ULK1: variants seen among roughly 807,000 people sequenced by gnomAD.
ULK1 encodes the protein serine/threonine-protein kinase ULK1.
ULK1 carries 48 observed loss-of-function variants against 117.5 expected under a neutral mutation model. That is an observed-to-expected ratio of 0.41 (90% CI 0.32 to 0.52). The LOEUF is 0.52. Ranked by LOEUF, ULK1 falls within the 20% of genes least tolerant of loss-of-function variation. ULK1 has a pLI of 0.29. For missense variants in ULK1, 1,387 were observed against 1,473.4 expected (o/e 0.94, Z 0.96); for synonymous variants, 790 against 637.8 (o/e 1.24, Z -3.60).
chr12:131,895,761 C>T, intron 2 of ULK1, 22 bp from the exon 3 acceptor site: 1 of 1,614,036 alleles, frequency 6.2e-7, no homozygotes, highest in Non-Finnish European at 8.5e-7. Flanking sequence ...ACACTGATAA[C>T]AAACTTGGGT....
intron 4 of ULK1, 109 bp from the exon 5 acceptor site, chr12:131,907,386 T>G: frequency 7.0e-7 from 1 of 1,420,588 alleles, no homozygotes. Flanking sequence ...GGCAGGTGCC[T>G]GCGGGCTCAG....
chr12:131,916,289 C>A, intron 19 of ULK1, 109 bp from the exon 20 acceptor site: 1 of 1,512,692 alleles, frequency 6.6e-7, no homozygotes, highest in Non-Finnish European at 8.9e-7. Context: ...CATGCTCAGG[C>A]TGCTCCCACA....
chr12:131,914,006 A>G (rs986523489), intron 15 of ULK1, among the ~76,000 whole-genome samples, 170 bp downstream of exon 15: 1 of 152,150 alleles, frequency 6.6e-6, no homozygotes, highest in African/African-American at 2.4e-5. Flanking sequence ...AGAAGGGACT[A>G]TAGTGGGAGG....
In ULK1 at chr12:131,916,279, C is replaced by G. The variant is rs1266282334; in HGVS notation, c.1879-119C>G. ...GTACCTTTTGACCCCCGCCTGGGCT[C>G]ATGCTCAGGCTGCTCCCACATGCCT... On this transcript the variant is annotated intron_variant, in intron 19 of 27. Transcript: ENST00000321867. The G allele has an allele frequency of 3.0e-5, 45 of 1,505,904 alleles. No individual in the cohort carries two copies. The East Asian group carries it at 1.0e-3, about 34-fold the overall frequency. The allele number at this position is 1,505,904 out of a possible 1,614,324, so 93.3% of individuals were successfully genotyped here.
At chr12:131,907,832 C>G (rs1334447668) in intron 5 of ULK1, among the ~76,000 whole-genome samples, 1 of 151,736 alleles carries the variant, frequency 6.6e-6, no homozygotes, top group African/African-American at 2.4e-5. Context: ...CATAGTGTGG[C>G]TGGAAGGCGG....
chr12:131,919,862 C>T (rs1890071399), intron 25 of ULK1, 117 bp from the exon 26 acceptor site: 2 of 1,436,834 alleles, frequency 1.4e-6, no homozygotes, highest in East Asian at 2.4e-5. Flanking sequence ...CACGGGGAGC[C>T]AGGGCTGTGG....
At chr12:131,906,836 C>T in intron 3 of ULK1, 56 bp from the exon 4 acceptor site, 1 of 1,612,360 alleles carries the variant, frequency 6.2e-7, no homozygotes, top group Non-Finnish European at 8.5e-7. Flanking sequence ...GCCAGACTCC[C>T]TGCAGTGGGG....
chr12:131,907,463 C>T (rs752951891), intron 4 of ULK1, 32 bp from the exon 5 acceptor site: 2 of 1,610,844 alleles, frequency 1.2e-6, no homozygotes, highest in Non-Finnish European at 1.7e-6. Flanking sequence ...CTGGGCCCTG[C>T]TGCAGCCTGA....
intron 22 of ULK1, among the ~76,000 whole-genome samples, chr12:131,917,912 G>A (rs1016135479): frequency 6.6e-5 from 10 of 152,246 alleles, no homozygotes; most frequent in African/African-American, 2.4e-4. Context: ...ATGAGCACAG[G>A]CCGTGCAGAC....
rs1889717553 is a variant in ULK1, at chr12:131,915,166, A to G, written c.1457A>G (p.His486Arg). ...CCCTCGCCCCCTGCCCACGCTGAGC[A>G]TGGAGGCGTCCTGGCCAGGAAGATG... ...ASPSPPAHAE[H>R]GGVLARKMSL... is the part of the protein sequence containing the mutation. The change falls in exon 17 of 28, where the codon CAT becomes CGT. Residue 486 changes from histidine to arginine, a missense_variant. His to Arg is a conservative substitution (Grantham distance 29, BLOSUM62 0). This residue lies in a region of ULK1 where 900 missense variants were observed against 858.9 expected (regional missense o/e 1.05). Coordinates refer to ENST00000321867, the MANE Select transcript of ULK1 (RefSeq NM_003565.4). 1.2e-6 allele frequency: 2 copies of G among 1,604,446 alleles called. No homozygotes were observed. The highest frequency in any genetic ancestry group is 1.7e-6 in the Non-Finnish European group (2 of 1,176,140).
At chr12:131,919,721 C>T (rs1349628735) in intron 25 of ULK1, 131 bp downstream of exon 25, 6 of 1,142,332 alleles carry the variant, frequency 5.3e-6, no homozygotes, top group Non-Finnish European at 7.6e-6. Flanking sequence ...GCCCCGGGGC[C>T]TGGCCCAGTG....
chr12:131,894,783 C>A lies in ULK1; in HGVS notation c.-219C>A, dbSNP rs1469589789. On this transcript the variant is annotated 5_prime_UTR_variant, in exon 1 of 28. Coordinates refer to ENST00000321867, the MANE Select transcript of ULK1 (RefSeq NM_003565.4). ...CGGGAAGAGTGCCGTGGCACAGGCGCCGGAGGGAGCGCGACCCTCGGACCC... is the reference window on the plus strand; with the variant it reads ...CGGGAAGAGTGCCGTGGCACAGGCGACGGAGGGAGCGCGACCCTCGGACCC... 1 of 150,494 alleles carries A rather than the reference C, an allele frequency of 6.6e-6. No homozygotes were observed. The highest frequency in any genetic ancestry group is 1.9e-4 in the East Asian group (1 of 5,144). 9.3% of individuals were successfully genotyped at this position (150,494 alleles called of 1,614,324 possible).
intron 3 of ULK1, among the ~76,000 whole-genome samples, chr12:131,898,876 A>C (rs1284146228): frequency 6.8e-6 from 1 of 148,132 alleles, no homozygotes; most frequent in Non-Finnish European, 1.5e-5. Flanking sequence ...TCCTTTGTAT[A>C]GTGTATTTCT....
intron 3 of ULK1, among the ~76,000 whole-genome samples, chr12:131,900,997 G>T (rs1330118625): frequency 1.3e-5 from 2 of 152,164 alleles, no homozygotes; most frequent in Non-Finnish European, 2.9e-5. Context: ...GGGGCTCCCA[G>T]GGCCCAGGCA....
In ULK1 at chr12:131,907,874, C is replaced by T. The variant is rs965965512; in HGVS notation, c.316+343C>T. On this transcript the variant is annotated intron_variant, in intron 5 of 27. Transcript: ENST00000321867. ...GCCCACCCAAAGTTGAGCCCTGTGG[C>T]GGATGGGAGGGGATGTGCTGCACGG... 3.7e-5 allele frequency among the ~76,000 whole-genome samples: 5 copies of T among 133,982 alleles called. No individual in the cohort carries two copies. The East Asian group carries it at 7.4e-4, about 20-fold the overall frequency. The allele number at this position is 133,982 out of a possible 152,430, so 87.9% of individuals were successfully genotyped here.
chr12:131,909,927 G>A lies in ULK1; in HGVS notation c.734G>A (p.Arg245Gln), dbSNP rs145126502. 7.4e-6 allele frequency: 12 copies of A among 1,611,804 alleles called. No homozygotes were observed. Among genetic ancestry groups the A allele is most frequent in the Non-Finnish European group, 1.0e-5 (12 of 1,179,772 alleles). Residue 245 changes from arginine to glutamine, a missense_variant, in exon 10 of 28, where the codon CGG becomes CAG. Arg to Gln is a conservative substitution (Grantham distance 43, BLOSUM62 1). Around this residue, in one of 4 missense-constraint regions of ULK1, gnomAD observed 260 missense variants for 271.6 expected, o/e 0.96. Coordinates refer to ENST00000321867, the MANE Select transcript of ULK1 (RefSeq NM_003565.4). ...KNKTLVPTIPRETSAPLRQLL... is the reference protein window; with the variant it reads ...KNKTLVPTIPQETSAPLRQLL... The stretch of plus-strand genomic sequence containing the variant: ...GCCTCCTCTTGCCCCAGCATCCCCC[G>A]GGAGACCTCGGCCCCGCTGCGGCAG...
In ULK1 at chr12:131,910,793, C is replaced by T; in HGVS notation, c.941C>T (p.Ser314Phe). 6.2e-7 allele frequency: 1 copy of T among 1,612,528 alleles called. No individual in the cohort carries two copies. Among genetic ancestry groups the T allele is most frequent in the Non-Finnish European group, 8.5e-7 (1 of 1,179,816 alleles). The change falls in exon 12 of 28, where the codon TCC becomes TTC. Residue 314 changes from serine (S) to phenylalanine (F), a missense_variant. Ser to Phe is a radical substitution (Grantham distance 155, BLOSUM62 -2). Coordinates refer to ENST00000321867, the MANE Select transcript of ULK1 (RefSeq NM_003565.4). The stretch of plus-strand genomic sequence containing the variant: ...AGCAGCTCCACCTCCCACCTGGCCT[C>T]CCCGCCGGTGAGTTGCCGCCCCAGG... ...SSSSSTSHLA[S>F]PPSLGEMQQL...
rs1889772862 is a variant in ULK1 at position 131,916,152 on chromosome 12, C to T, written c.1871C>T (p.Pro624Leu). 1 of 1,611,492 alleles carries T rather than the reference C, an allele frequency of 6.2e-7. No individual in the cohort carries two copies. Among genetic ancestry groups the T allele is most frequent in the Non-Finnish European group, 8.5e-7 (1 of 1,179,408 alleles). The change falls in exon 19 of 28, where the codon CCC (proline) becomes CTC (leucine). Residue 624 changes from proline (P) to leucine (L), a missense_variant. By Grantham distance (98) the Pro-to-Leu change is moderately conservative. Around this residue, in one of 4 missense-constraint regions of ULK1, gnomAD observed 900 missense variants for 858.9 expected, o/e 1.05. Coordinates refer to ENST00000321867, the MANE Select transcript of ULK1 (RefSeq NM_003565.4). Reference protein sequence around the residue: ...RNPLPPILGSPTKAVPSFDFP... With the variant: ...RNPLPPILGSLTKAVPSFDFP... The stretch of plus-strand genomic sequence containing the variant: ...CCCCTGCCCCCCATCCTGGGCTCCC[C>T]CACCAAGGTAATGGGCACTGCCATG...
Position 131,914,363 on chromosome 12 carries a change from C to A in ULK1, c.1259C>A (p.Pro420Gln). 2 of 1,611,082 alleles carry A rather than the reference C, an allele frequency of 1.2e-6. No individual in the cohort carries two copies. Among genetic ancestry groups the A allele is most frequent in the Non-Finnish European group, 1.7e-6 (2 of 1,179,934 alleles). ...TCTCTCCACCACAGCCGGGCTGGCCCGTTCTCCAGCAGCAGGTGCGGCGCC... is the reference window on the plus strand; with the variant it reads ...TCTCTCCACCACAGCCGGGCTGGCCAGTTCTCCAGCAGCAGGTGCGGCGCC... Reference protein sequence around the residue: ...SSPSPSGRAGPFSSSRCGASV... With the variant: ...SSPSPSGRAGQFSSSRCGASV... Residue 420 changes from proline to glutamine, a missense_variant, in exon 16 of 28, where the codon CCG becomes CAG. Pro to Gln is a moderately conservative substitution (Grantham distance 76). Coordinates refer to ENST00000321867, the MANE Select transcript of ULK1 (RefSeq NM_003565.4).
Sources: allele counts gnomAD v4.1 joint callset (sites outside exome capture counted in the v4.1 genomes callset), GRCh38; gene constraint gnomAD v4.1.1; regional missense constraint gnomAD v4.1.1; transcripts MANE v1.5; gene names NCBI Gene and HGNC (gene_info 2026-07-23, HGNC 2026-07-21).